The following TAGLN3 variants were observed in gnomAD, a reference collection of about 807,000 sequenced individuals.
The protein encoded by TAGLN3 is transgelin 3, also known as transgelin-3.
In TAGLN3, 12 loss-of-function variants were observed where a neutral mutation model predicts 25.4. That is an observed-to-expected ratio of 0.47 (90% CI 0.30 to 0.77). The LOEUF (loss-of-function observed/expected upper bound fraction) is 0.77. TAGLN3 is among the 30% of genes least tolerant of loss of function. The pLI is 0.06. For synonymous variants in TAGLN3, 96 were observed against 94.8 expected (o/e 1.01, Z -0.08); for missense variants, 218 against 255.8 (o/e 0.85, Z 1.01).
rs755181979 is a variant in TAGLN3 at position 112,011,733 on chromosome 3, C to A, written c.356-30C>A. On this transcript the variant is annotated intron_variant, in intron 3 of 4. Coordinates refer to ENST00000478951, the MANE Select transcript of TAGLN3 (RefSeq NM_001008272.2). Reference sequence around the variant, plus strand: ...CAGCATTCCTTGGCTCTGACACGTGCTTGGCTTTAAGCTCTTTGTTGGCTT... The same window carrying A: ...CAGCATTCCTTGGCTCTGACACGTGATTGGCTTTAAGCTCTTTGTTGGCTT... 10 of 1,598,696 alleles carry A rather than the reference C, an allele frequency of 6.3e-6. No homozygotes were observed. In the African/African-American group the frequency reaches 1.1e-4, roughly 17 times the overall value.
At chr3:112,001,435 C>T (rs1472372975) in intron 3 of TAGLN3, among the ~76,000 whole-genome samples, 1 of 152,222 alleles carries the variant, frequency 6.6e-6, no homozygotes, top group Admixed American at 6.5e-5. Flanking sequence ...ATGCATTCTG[C>T]TCAGTGTGAC....
intron 3 of TAGLN3, among the ~76,000 whole-genome samples, chr3:112,009,712 G>A (rs1160097646): frequency 4.6e-5 from 7 of 152,166 alleles, no homozygotes; most frequent in Non-Finnish European, 1.0e-4. Flanking sequence ...CATATACAGT[G>A]TCTACCCTAT....
At chr3:112,006,551 A>G (rs2072919303) in intron 3 of TAGLN3, among the ~76,000 whole-genome samples, 1 of 152,222 alleles carries the variant, frequency 6.6e-6, no homozygotes, top group South Asian at 2.1e-4. Flanking sequence ...AGAAAGATGG[A>G]AAAATCCAGT....
chr3:112,013,788 GTC>G lies in TAGLN3; in HGVS notation c.*241_*242del. The G allele has an allele frequency of 1.8e-6, 1 of 569,162 alleles. No individual in the cohort carries two copies. The highest frequency in any genetic ancestry group is 2.0e-5 in the South Asian group (1 of 48,782). 35.3% of individuals were successfully genotyped at this position (569,162 alleles called of 1,614,324 possible). A position where few individuals can be genotyped will look rare whatever the true frequency, so the allele number is the denominator to read the frequency against. ...TTTCCTGAGCTCCTCGGGCCCCAGA[GTC>G]TCTGTTTGATTATTTATTTATTTAT... is the stretch of plus-strand genomic sequence containing the variant. On this transcript the variant is annotated 3_prime_UTR_variant, in exon 5 of 5. Coordinates refer to ENST00000478951, the MANE Select transcript of TAGLN3 (RefSeq NM_001008272.2).
intron 3 of TAGLN3, among the ~76,000 whole-genome samples, chr3:112,002,468 C>G (rs959324316): frequency 6.6e-6 from 1 of 152,182 alleles, no homozygotes; most frequent in Non-Finnish European, 1.5e-5. Flanking sequence ...ATTCTTGAGC[C>G]AGGAGGCTTA....
chr3:111,999,238 C>A (rs1306087083), intron 1 of TAGLN3, 124 bp downstream of exon 1: 1 of 618,486 alleles, frequency 1.6e-6, no homozygotes, highest in East Asian at 2.9e-5. Context: ...TTTTCTTTCC[C>A]GTTTGTAGGT....
chr3:112,006,220 A>G (rs1181725565), intron 3 of TAGLN3, among the ~76,000 whole-genome samples: 1 of 152,154 alleles, frequency 6.6e-6, no homozygotes, highest in East Asian at 1.9e-4. Flanking sequence ...CTAAGCCCCA[A>G]CAGCAGAGTT....
In TAGLN3 at chr3:112,000,970, G is replaced by A. The variant is rs745472105; in HGVS notation, c.355+24G>A. The A allele has an allele frequency of 9.3e-6, 15 of 1,608,892 alleles. No homozygotes were observed. The South Asian group carries it at 9.9e-5, about 11-fold the overall frequency. ...AGGTAAACAGCCCCCTGGCCTTTGG[G>A]ATTGTTCTTTTCTTCTCTCCTTTGC... On this transcript the variant is annotated intron_variant, in intron 3 of 4. Transcript: ENST00000478951.
At chr3:112,004,560 C>T (rs1170806007) in intron 3 of TAGLN3, among the ~76,000 whole-genome samples, 1 of 152,154 alleles carries the variant, frequency 6.6e-6, no homozygotes, top group Non-Finnish European at 1.5e-5. Context: ...TGCTCTACCA[C>T]TTATCAATTA....
chr3:112,001,854 G>T (rs1046571354), intron 3 of TAGLN3, among the ~76,000 whole-genome samples: 7 of 152,244 alleles, frequency 4.6e-5, no homozygotes, highest in Non-Finnish European at 1.0e-4. Context: ...CTGATGGAGA[G>T]ACATGGTATT....
In TAGLN3 at chr3:112,000,961, G is replaced by GGCCTTT; in HGVS notation, c.355+17_355+22dup. On this transcript the variant is annotated intron_variant, in intron 3 of 4. Coordinates refer to ENST00000478951, the MANE Select transcript of TAGLN3 (RefSeq NM_001008272.2). ...TCTATGGGAAGGTAAACAGCCCCCT[G>GGCCTTT]GCCTTTGGGATTGTTCTTTTCTTCT... The GGCCTTT allele has an allele frequency of 6.2e-7, 1 of 1,611,732 alleles. No homozygotes were observed. The highest frequency in any genetic ancestry group is 1.1e-5 in the South Asian group (1 of 90,934).
chr3:112,011,457 G>C (rs2072976499), intron 3 of TAGLN3, among the ~76,000 whole-genome samples: 1 of 152,236 alleles, frequency 6.6e-6, no homozygotes, highest in Admixed American at 6.5e-5. Context: ...AGAGCAAAGT[G>C]AATACTCAAT....
chr3:112,011,922 T>C, intron 4 of TAGLN3, 57 bp downstream of exon 4: 1 of 1,532,094 alleles, frequency 6.5e-7, no homozygotes, highest in Non-Finnish European at 8.9e-7. Flanking sequence ...AGAGGGAGGG[T>C]CTGAAGCCTT....
chr3:111,999,851 C>G (rs975552667), intron 2 of TAGLN3, among the ~76,000 whole-genome samples: 1 of 152,140 alleles, frequency 6.6e-6, no homozygotes, highest in African/African-American at 2.4e-5. Context: ...AAATTCGAAG[C>G]CCTTTTGATT....
At chr3:112,002,175 G>A (rs908091110) in intron 3 of TAGLN3, among the ~76,000 whole-genome samples, 3 of 152,132 alleles carry the variant, frequency 2.0e-5, no homozygotes, top group East Asian at 3.9e-4. Context: ...TTGCTTCCTC[G>A]ATCAAAACTA....
intron 3 of TAGLN3, among the ~76,000 whole-genome samples, chr3:112,011,069 G>A (rs2072970545): frequency 1.3e-5 from 2 of 152,180 alleles, no homozygotes; most frequent in African/African-American, 4.8e-5. Context: ...CTGGTGCCTT[G>A]CATGGACTTT....
intron 3 of TAGLN3, among the ~76,000 whole-genome samples, chr3:112,010,927 G>A (rs2072968926): frequency 6.6e-6 from 1 of 152,166 alleles, no homozygotes. Context: ...CAGCAGCTGG[G>A]CCAAAAAACT....
intron 3 of TAGLN3, among the ~76,000 whole-genome samples, chr3:112,010,699 G>A (rs1251968633): frequency 6.6e-6 from 1 of 152,150 alleles, no homozygotes; most frequent in Non-Finnish European, 1.5e-5. Context: ...AGTCCCACAG[G>A]GCCTCAGGAT....
Position 112,013,758 on chromosome 3 carries a change from T to A in TAGLN3, c.*207T>A. ...TTTAGAACTATGCAAAGACTCCGCT[T>A]CCGTTTTCCTGAGCTCCTCGGGCCC... On this transcript the variant is annotated 3_prime_UTR_variant, in exon 5 of 5. Transcript: ENST00000478951. The A allele has an allele frequency of 1.4e-6, 1 of 696,902 alleles. No homozygotes were observed. The allele number at this position is 696,902 out of a possible 1,614,324, so 43.2% of individuals were successfully genotyped here. A position where few individuals can be genotyped will look rare whatever the true frequency, so the allele number is the denominator to read the frequency against.
Sources: allele counts gnomAD v4.1 joint callset (sites outside exome capture counted in the v4.1 genomes callset), GRCh38; gene constraint gnomAD v4.1.1; transcripts MANE v1.5; gene names NCBI Gene and HGNC (gene_info 2026-07-23, HGNC 2026-07-21).